Variants in RFX8 observed in about 807,000 individuals in gnomAD.
RFX8 encodes regulatory factor X8.
A neutral mutation model predicts 54.6 loss-of-function variants in RFX8; 46 were observed. The observed-to-expected ratio is 0.84, with a 90% CI of 0.67 to 1.08. RFX8 has a LOEUF of 1.08. RFX8 is among the 50% of genes least tolerant of loss of function. The pLI is 0.00. For synonymous variants in RFX8, 192 were observed against 209.5 expected (o/e 0.92, Z 0.72); for missense variants, 536 against 562.3 (o/e 0.95, Z 0.47).
intron 2 of RFX8, among the ~76,000 whole-genome samples, chr2:101,450,990 C>T (rs1313493990): frequency 1.3e-5 from 2 of 151,992 alleles, no homozygotes; most frequent in East Asian, 3.9e-4. Flanking sequence ...CCTGTGCCCT[C>T]AACCACTGCC....
intron 11 of RFX8, among the ~76,000 whole-genome samples, chr2:101,400,806 A>G (rs933023617): frequency 2.4e-4 from 37 of 152,124 alleles, no homozygotes; most frequent in African/African-American, 7.2e-4. Flanking sequence ...GGCTCTACAG[A>G]ATGCTCCAGA....
At chr2:101,439,596 C>CTTTTTT (rs139433618) in intron 2 of RFX8, among the ~76,000 whole-genome samples, 2 of 143,602 alleles carry the variant, frequency 1.4e-5, no homozygotes, top group Non-Finnish European at 3.0e-5. Context: ...GATTGAAGTT[C>CTTTTTT]ATTTTTTTTT....
intron 7 of RFX8, among the ~76,000 whole-genome samples, chr2:101,414,129 C>A (rs1686338575): frequency 6.6e-6 from 1 of 152,206 alleles, no homozygotes; most frequent in Non-Finnish European, 1.5e-5. Context: ...TAACTGGTGG[C>A]CTGGCCACAC....
At chr2:101,446,321 A>G (rs1000902427) in intron 2 of RFX8, among the ~76,000 whole-genome samples, 1 of 152,110 alleles carries the variant, frequency 6.6e-6, no homozygotes, top group Non-Finnish European at 1.5e-5. Flanking sequence ...GACTACAGGC[A>G]CGTGCCACCA....
intron 2 of RFX8, among the ~76,000 whole-genome samples, chr2:101,464,087 G>A (rs1180188432): frequency 6.6e-6 from 1 of 152,196 alleles, no homozygotes; most frequent in Non-Finnish European, 1.5e-5. Context: ...AGAACAGGAA[G>A]ATGAAGTCGC....
chr2:101,467,038 G>A (rs976976328), intron 1 of RFX8, 138 bp from the exon 2 acceptor site: 19 of 622,066 alleles, frequency 3.1e-5, no homozygotes, highest in African/African-American at 1.7e-4. Context: ...GAATCCCTGC[G>A]AAGGCTCACA....
rs557215522 is a variant in RFX8, at chr2:101,429,343, T to C, written c.73-6871A>G. On this transcript the variant is annotated intron_variant, in intron 2 of 11. Transcript: ENST00000428343. ...CGTGAATTCTTATTACTTTTTTATT[T>C]TGGTGCATTTTAAATGATTGATACA... Among the ~76,000 whole-genome samples the C allele has an allele frequency of 1.2e-4, 19 of 152,298 alleles. No individual in the cohort carries two copies. In the East Asian group the frequency reaches 3.7e-3, roughly 29 times the overall value.
intron 1 of RFX8, chr2:101,474,426 G>A: frequency 2.7e-6 from 1 of 376,230 alleles, no homozygotes; most frequent in Non-Finnish European, 4.7e-6. Context: ...CGGGAGCCCA[G>A]TCCTCCAGGC....
At chr2:101,423,575 C>T (rs956060256) in intron 2 of RFX8, among the ~76,000 whole-genome samples, 19 of 152,162 alleles carry the variant, frequency 1.2e-4, no homozygotes, top group African/African-American at 3.9e-4. Context: ...CATTTTCTCT[C>T]AAACCTCATG....
chr2:101,456,966 C>A (rs1298301606), intron 2 of RFX8, among the ~76,000 whole-genome samples: 1 of 152,154 alleles, frequency 6.6e-6, no homozygotes, highest in African/African-American at 2.4e-5. Flanking sequence ...TTATCCATTT[C>A]TTCTAGATTT....
At chr2:101,415,771 C>G (rs75075027) in intron 6 of RFX8, among the ~76,000 whole-genome samples, 2,070 of 152,336 alleles carry the variant, frequency 0.014, 61 homozygotes, top group African/African-American at 0.046. Context: ...ACCAGATATG[C>G]AAACACATCC....
At chr2:101,447,204 T>C (rs1331258489) in intron 2 of RFX8, among the ~76,000 whole-genome samples, 1 of 152,156 alleles carries the variant, frequency 6.6e-6, no homozygotes, top group Non-Finnish European at 1.5e-5. Flanking sequence ...CTGATTCCAG[T>C]GCAAATCTGA....
chr2:101,426,890 A>T (rs1687202884), intron 2 of RFX8, among the ~76,000 whole-genome samples: 1 of 152,168 alleles, frequency 6.6e-6, no homozygotes, highest in African/African-American at 2.4e-5. Context: ...AAGCAAATGT[A>T]TCCTGTCACT....
intron 2 of RFX8, among the ~76,000 whole-genome samples, chr2:101,445,227 C>T (rs899400800): frequency 1.3e-5 from 2 of 152,148 alleles, no homozygotes; most frequent in Non-Finnish European, 2.9e-5. Context: ...CTTTCTTGCT[C>T]CTTGAACTAA....
chr2:101,416,256 G>A (rs1214053703), intron 6 of RFX8, among the ~76,000 whole-genome samples: 1 of 152,206 alleles, frequency 6.6e-6, no homozygotes, highest in African/African-American at 2.4e-5. Flanking sequence ...AGAATGAAGA[G>A]ACAGAGGCTT....
At chr2:101,434,395 A>G (rs899879772) in intron 2 of RFX8, among the ~76,000 whole-genome samples, 1 of 152,168 alleles carries the variant, frequency 6.6e-6, no homozygotes, top group Admixed American at 6.5e-5. Flanking sequence ...ATCCTGACCC[A>G]TTCGATTTTA....
chr2:101,427,628 T>G (rs1687252009), intron 2 of RFX8, among the ~76,000 whole-genome samples: 1 of 152,186 alleles, frequency 6.6e-6, no homozygotes, highest in African/African-American at 2.4e-5. Flanking sequence ...TTTGTGCTAA[T>G]TTGTCACAAC....
Position 101,404,515 on chromosome 2 carries a change from C to T in RFX8, c.928+1428G>A, listed in dbSNP as rs1345421148. On this transcript the variant is annotated intron_variant, in intron 10 of 11. Coordinates refer to ENST00000428343, the MANE Select transcript of RFX8 (RefSeq NM_001145664.2). ...GCACAATCTCAGCTCACTGCAACCT[C>T]TGCCTCCCTGGCTCAAGCAATCCTC... Among the ~76,000 whole-genome samples, 4 of 152,216 alleles carry T rather than the reference C, an allele frequency of 2.6e-5. No individual in the cohort carries two copies. The East Asian group carries it at 7.7e-4, about 29-fold the overall frequency.
At chr2:101,418,723 A>C (rs767487143) in intron 5 of RFX8, 128 bp downstream of exon 5, 17 of 694,150 alleles carry the variant, frequency 2.4e-5, no homozygotes, top group Non-Finnish European at 4.0e-5. Context: ...CTCCTGGTCC[A>C]TACACCCCAC....
Sources: gnomAD v4.1 joint callset for allele counts (sites outside exome capture counted in the v4.1 genomes callset) on GRCh38, gnomAD v4.1.1 for gene constraint, MANE v1.5 for transcripts, NCBI Gene and HGNC (gene_info 2026-07-23, HGNC 2026-07-21) for gene names.